OXR1: variants seen among roughly 807,000 people sequenced by gnomAD.
OXR1 encodes oxidation resistance protein 1.
OXR1 carries 41 observed loss-of-function variants against 104.6 expected under a neutral mutation model. The observed-to-expected ratio is 0.39, with a 90% confidence interval of 0.31 to 0.51. The LOEUF (loss-of-function observed/expected upper bound fraction) is 0.51, where lower values mean the gene tolerates loss of function less well. OXR1 is among the 20% of genes least tolerant of loss of function. OXR1 has a pLI of 0.77. For synonymous variants in OXR1, 348 were observed against 348.4 expected (o/e 1.00, Z 0.01); for missense variants, 955 against 1,031.9 (o/e 0.93, Z 1.02).
chr8:106,730,195 A>G (rs1188862021), intron 11 of OXR1, among the ~76,000 whole-genome samples: 4 of 152,152 alleles, frequency 2.6e-5, no homozygotes, highest in Non-Finnish European at 4.4e-5. Context: ...CACAAATGAC[A>G]TTAGTGTGAT....
intron 2 of OXR1, among the ~76,000 whole-genome samples, chr8:106,399,380 A>T (rs935040247): frequency 6.6e-6 from 1 of 152,180 alleles, no homozygotes; most frequent in Non-Finnish European, 1.5e-5. Flanking sequence ...CCAGCTGTTT[A>T]CCTGGCCAGG....
intron 2 of OXR1, among the ~76,000 whole-genome samples, chr8:106,449,713 T>C (rs1466984435): frequency 6.6e-6 from 1 of 152,190 alleles, no homozygotes; most frequent in Non-Finnish European, 1.5e-5. Context: ...ATTTCCTTCA[T>C]TAGATATTCA....
At chr8:106,623,549 A>G (rs1294612276) in intron 3 of OXR1, among the ~76,000 whole-genome samples, 1 of 152,144 alleles carries the variant, frequency 6.6e-6, no homozygotes, top group East Asian at 1.9e-4. Context: ...AATTCAGAAG[A>G]AAAAACATCA....
intron 2 of OXR1, among the ~76,000 whole-genome samples, chr8:106,408,899 T>C (rs1818350665): frequency 6.6e-6 from 1 of 152,118 alleles, no homozygotes; most frequent in South Asian, 2.1e-4. Flanking sequence ...ACACAACCTG[T>C]AGGTAATTAA....
chr8:106,424,785 A>C (rs1819042796), intron 2 of OXR1, among the ~76,000 whole-genome samples: 1 of 151,974 alleles, frequency 6.6e-6, no homozygotes, highest in South Asian at 2.1e-4. Context: ...GATTACTATA[A>C]TTTATTTTTT....
intron 2 of OXR1, among the ~76,000 whole-genome samples, chr8:106,450,890 TA>T (rs1820278025): frequency 6.6e-6 from 1 of 152,156 alleles, no homozygotes; most frequent in Non-Finnish European, 1.5e-5. Context: ...GTCATTCCCC[TA>T]ACTTTTCTTG....
chr8:106,714,109 C>T, intron 11 of OXR1, 124 bp downstream of exon 11: 1 of 650,268 alleles, frequency 1.5e-6, no homozygotes, highest in Admixed American at 3.8e-5. Flanking sequence ...GTCAGGTTCA[C>T]TATCCGTGTT....
At chr8:106,672,071 A>T (rs964598221) in intron 3 of OXR1, among the ~76,000 whole-genome samples, 5 of 150,954 alleles carry the variant, frequency 3.3e-5, no homozygotes, top group Non-Finnish European at 5.9e-5. Flanking sequence ...AGAATTGTTT[A>T]AAAAAATGTG....
At chr8:106,494,260 G>A (rs1415039151) in intron 2 of OXR1, among the ~76,000 whole-genome samples, 1 of 152,092 alleles carries the variant, frequency 6.6e-6, no homozygotes, top group Non-Finnish European at 1.5e-5. Context: ...GGATTCTGTA[G>A]CATCAAGTTT....
intron 3 of OXR1, among the ~76,000 whole-genome samples, chr8:106,596,164 G>T (rs538564381): frequency 2.0e-5 from 3 of 152,154 alleles, no homozygotes; most frequent in African/African-American, 7.2e-5. Flanking sequence ...CAGATGAAAG[G>T]GCTGGATGCA....
intron 3 of OXR1, among the ~76,000 whole-genome samples, chr8:106,528,034 A>G (rs80335806): frequency 0.045 from 6,802 of 152,304 alleles, 177 homozygotes; most frequent in Middle Eastern, 0.068. Flanking sequence ...GTAGTTTTTC[A>G]TAAGACGATA....
chr8:106,665,974 T>G (rs1228312118), intron 3 of OXR1, among the ~76,000 whole-genome samples: 1 of 152,130 alleles, frequency 6.6e-6, no homozygotes, highest in Admixed American at 6.5e-5. Context: ...CTCATGGAAC[T>G]CTGTAATAAA....
chr8:106,470,115 G>A (rs928612168), intron 2 of OXR1, among the ~76,000 whole-genome samples: 2 of 151,788 alleles, frequency 1.3e-5, no homozygotes, highest in Non-Finnish European at 2.9e-5. Flanking sequence ...AGGTAATGGA[G>A]TTGGAGGAAG....
intron 2 of OXR1, among the ~76,000 whole-genome samples, chr8:106,503,722 G>A (rs952087014): frequency 1.3e-5 from 2 of 152,162 alleles, no homozygotes; most frequent in African/African-American, 4.8e-5. Context: ...AAACCTGCGG[G>A]GCAAAGAATG....
At chr8:106,305,207 T>C (rs1300307652) in intron 1 of OXR1, among the ~76,000 whole-genome samples, 1 of 152,152 alleles carries the variant, frequency 6.6e-6, no homozygotes, top group African/African-American at 2.4e-5. Flanking sequence ...ATTTTCATCA[T>C]TTGACTTTTA....
chr8:106,563,296 C>CG (rs1491277283), intron 3 of OXR1, among the ~76,000 whole-genome samples: 4 of 125,772 alleles, frequency 3.2e-5, no homozygotes, highest in African/African-American at 1.2e-4. Context: ...AAATGGAAAG[C>CG]AAAAAAAAAA....
chr8:106,725,253 A>T (rs963923497), intron 11 of OXR1, among the ~76,000 whole-genome samples: 4 of 151,646 alleles, frequency 2.6e-5, no homozygotes, highest in African/African-American at 9.7e-5. Context: ...GAGGAAGGAG[A>T]TGGGAGTGGG....
intron 2 of OXR1, among the ~76,000 whole-genome samples, chr8:106,400,737 T>C (rs1161452635): frequency 1.3e-5 from 2 of 152,176 alleles, no homozygotes; most frequent in Non-Finnish European, 2.9e-5. Context: ...ATCTCCATAA[T>C]GAGATTTCAT....
chr8:106,360,303 T>C (rs1816182913), intron 2 of OXR1, among the ~76,000 whole-genome samples: 1 of 152,208 alleles, frequency 6.6e-6, no homozygotes, highest in South Asian at 2.1e-4. Flanking sequence ...GACTTTTTTA[T>C]ATAACGAGAT....
Sources: gnomAD v4.1 joint callset for allele counts (sites outside exome capture counted in the v4.1 genomes callset) on GRCh38, gnomAD v4.1.1 for gene constraint, MANE v1.5 for transcripts, NCBI Gene and HGNC (gene_info 2026-07-23, HGNC 2026-07-21) for gene names.